Variants in DLC1 observed in about 807,000 individuals in gnomAD.
DLC1 encodes the protein rho GTPase-activating protein 7.
Under a neutral mutation model 140.3 loss-of-function variants are expected in DLC1, and 54 were observed. That is an observed-to-expected ratio of 0.38 (90% CI 0.31 to 0.48). The LOEUF is 0.48. Among genes scored for constraint, DLC1 ranks in the 20% least tolerant of loss-of-function variants. The pLI, the probability that DLC1 is intolerant of heterozygous loss-of-function variation, is 0.96. For missense variants in DLC1, 2,536 were observed against 1,907.0 expected (o/e 1.33, Z -6.14); for synonymous variants, 986 against 728.1 (o/e 1.35, Z -5.70).
chr8:13,345,436 G>C (rs1834284157), intron 4 of DLC1, among the ~76,000 whole-genome samples: 1 of 151,938 alleles, frequency 6.6e-6, no homozygotes, highest in Admixed American at 6.6e-5. Context: ...ATGAGGGAGG[G>C]AAGGAGCCAG....
rs78314285 is a variant in DLC1 at position 13,500,118 on chromosome 8, G to A, written c.-47C>T. ...ACAGAGAGATATATTCCATATGAGG[G>A]TAAAGGAGATGGAACTTGATGAAAG... On this transcript the variant is annotated 5_prime_UTR_variant, in exon 2 of 18. Transcript: ENST00000276297. 10,953 of 1,475,264 alleles carry A rather than the reference G, an allele frequency of 7.4e-3. 583 individuals are homozygous for A. In the African/African-American group the frequency reaches 0.13, roughly 17 times the overall value. The allele number at this position is 1,475,264 out of a possible 1,614,324, so 91.4% of individuals were successfully genotyped here. A position where few individuals can be genotyped will look rare whatever the true frequency, so the allele number is the denominator to read the frequency against.
At chr8:13,580,797 GT>G (rs1415370609) in intron 1 of DLC1, among the ~76,000 whole-genome samples, 8 of 152,188 alleles carry the variant, frequency 5.3e-5, no homozygotes, top group African/African-American at 1.9e-4. Context: ...CACCAGGAGG[GT>G]ATGAAAAGGT....
chr8:13,241,795 A>G (rs936584929), intron 5 of DLC1, among the ~76,000 whole-genome samples: 23 of 152,084 alleles, frequency 1.5e-4, no homozygotes, highest in African/African-American at 5.3e-4. Flanking sequence ...GCTGCTCACT[A>G]TCTTTCAGGG....
intron 5 of DLC1, among the ~76,000 whole-genome samples, chr8:13,115,886 A>G (rs979682718): frequency 1.3e-5 from 2 of 152,198 alleles, no homozygotes; most frequent in African/African-American, 4.8e-5. Flanking sequence ...AAAAATAGAA[A>G]TGGGGTCCTG....
At chr8:13,356,968 G>A (rs1037765894) in intron 4 of DLC1, among the ~76,000 whole-genome samples, 2 of 152,036 alleles carry the variant, frequency 1.3e-5, no homozygotes, top group African/African-American at 4.8e-5. Flanking sequence ...GTTCAGAGAA[G>A]CCTTAGGAAA....
At chr8:13,405,862 CTT>C (rs1837505162) in intron 2 of DLC1, among the ~76,000 whole-genome samples, 3 of 142,046 alleles carry the variant, frequency 2.1e-5, no homozygotes, top group African/African-American at 7.6e-5. Context: ...GTCTTTCTCT[CTT>C]TTCTTTTCTT....
At chr8:13,229,883 G>A (rs1828965347) in intron 5 of DLC1, among the ~76,000 whole-genome samples, 1 of 152,210 alleles carries the variant, frequency 6.6e-6, no homozygotes, top group Non-Finnish European at 1.5e-5. Context: ...TAGACCAGAT[G>A]CATTTGTAAA....
At chr8:13,312,736 T>C (rs1358352024) in intron 4 of DLC1, among the ~76,000 whole-genome samples, 2 of 152,142 alleles carry the variant, frequency 1.3e-5, no homozygotes, top group Non-Finnish European at 2.9e-5. Flanking sequence ...TTGCAAATTC[T>C]TCAGAATTAT....
chr8:13,370,740 C>T (rs1835689412), intron 4 of DLC1, among the ~76,000 whole-genome samples: 2 of 152,288 alleles, frequency 1.3e-5, no homozygotes, highest in South Asian at 2.1e-4. Context: ...GGTTTTCTTT[C>T]TGGGGTGGCA....
At chr8:13,390,438 C>A (rs528746542) in intron 4 of DLC1, among the ~76,000 whole-genome samples, 1 of 152,156 alleles carries the variant, frequency 6.6e-6, no homozygotes, top group African/African-American at 2.4e-5. Context: ...AATAAACATA[C>A]ATGTACATGT....
At chr8:13,378,799 AG>A (rs1251147347) in intron 4 of DLC1, among the ~76,000 whole-genome samples, 2 of 152,184 alleles carry the variant, frequency 1.3e-5, no homozygotes, top group African/African-American at 4.8e-5. Context: ...AAGAGCATAT[AG>A]TTCATGTCCT....
chr8:13,551,412 G>T (rs1222093575), intron 1 of DLC1, among the ~76,000 whole-genome samples: 1 of 151,966 alleles, frequency 6.6e-6, no homozygotes, highest in African/African-American at 2.4e-5. Context: ...CCATATCTCT[G>T]TTTCCTAAAA....
chr8:13,471,101 A>G (rs1429252545), intron 2 of DLC1, among the ~76,000 whole-genome samples: 1 of 151,932 alleles, frequency 6.6e-6, no homozygotes, highest in Admixed American at 6.6e-5. Flanking sequence ...ATTCATAGAA[A>G]TAGTGAGTAG....
In DLC1 at chr8:13,088,484, C is replaced by A; in HGVS notation, c.4292+3G>T. 3 of 1,614,054 alleles carry A rather than the reference C, an allele frequency of 1.9e-6. No homozygotes were observed. The highest frequency in any genetic ancestry group is 1.1e-5 in the South Asian group (1 of 91,046). On this transcript the variant is annotated splice_donor_region_variant and intron_variant, in intron 16 of 17. Coordinates refer to ENST00000276297, the MANE Select transcript of DLC1 (RefSeq NM_182643.3). ...CACAAAAAAACAACTGGGAAGCGCT[C>A]ACCTTAAAACAACGTAGTCTCGAGC... is the stretch of plus-strand genomic sequence containing the variant.
At chr8:13,538,943 C>T (rs1014063310) in intron 1 of DLC1, among the ~76,000 whole-genome samples, 1 of 152,170 alleles carries the variant, frequency 6.6e-6, no homozygotes, top group Non-Finnish European at 1.5e-5. Flanking sequence ...TCTATCTTTG[C>T]ATTTTTCTCT....
At chr8:13,507,255 C>T (rs546786733) in intron 1 of DLC1, among the ~76,000 whole-genome samples, 30 of 152,220 alleles carry the variant, frequency 2.0e-4, no homozygotes, top group African/African-American at 6.5e-4. Context: ...ATGCTCTTTA[C>T]GACCAAACTG....
intron 5 of DLC1, among the ~76,000 whole-genome samples, chr8:13,176,903 C>A (rs1825787320): frequency 6.6e-6 from 1 of 152,076 alleles, no homozygotes. Flanking sequence ...CTGGCTGTTG[C>A]TGGGTTTGAA....
At chr8:13,546,293 C>G (rs894030521) in intron 1 of DLC1, among the ~76,000 whole-genome samples, 1 of 151,920 alleles carries the variant, frequency 6.6e-6, no homozygotes, top group African/African-American at 2.4e-5. Flanking sequence ...TAAAAATAGA[C>G]CAAGATTTCG....
At chr8:13,133,355 G>T (rs1822291038) in intron 5 of DLC1, 5 of 1,105,232 alleles carry the variant, frequency 4.5e-6, no homozygotes, top group Middle Eastern at 7.9e-4. Context: ...CGGGGCCAGA[G>T]CGGGCGGCAC....
Sources: allele counts gnomAD v4.1 joint callset (sites outside exome capture counted in the v4.1 genomes callset), GRCh38; gene constraint gnomAD v4.1.1; transcripts MANE v1.5; gene names NCBI Gene and HGNC (gene_info 2026-07-23, HGNC 2026-07-21).